The following CLVS2 variants were observed in gnomAD, a reference collection of about 807,000 sequenced individuals.
The protein encoded by CLVS2 is clavesin-2.
A neutral mutation model predicts 29.0 loss-of-function variants in CLVS2; 19 were observed. That is an observed-to-expected ratio of 0.66 (90% confidence interval 0.46 to 0.96). The LOEUF (loss-of-function observed/expected upper bound fraction) is 0.96. CLVS2 is among the 40% of genes least tolerant of loss of function. The pLI, the probability that CLVS2 is intolerant of heterozygous loss-of-function variation, is 0.00. For missense variants in CLVS2, 294 were observed against 404.1 expected, an observed-to-expected ratio of 0.73 and a Z score of 2.34; for synonymous variants, 161 against 151.3, an observed-to-expected ratio of 1.06 and a Z score of -0.47.
chr6:123,042,972 A>G (rs1775256055), intron 3 of CLVS2, among the ~76,000 whole-genome samples: 1 of 152,198 alleles, frequency 6.6e-6, no homozygotes, highest in Admixed American at 6.5e-5. Flanking sequence ...TAGCATGTTA[A>G]GGCAGACCAA....
chr6:123,058,639 CTTTATT>C (rs903923070), intron 5 of CLVS2, among the ~76,000 whole-genome samples: 22 of 152,036 alleles, frequency 1.4e-4, no homozygotes, highest in African/African-American at 4.3e-4. Flanking sequence ...CACATCTTGG[CTTTATT>C]TTTATTTTTA....
At chr6:123,049,807 G>GGC (rs201266693) in intron 4 of CLVS2, among the ~76,000 whole-genome samples, 7 of 143,398 alleles carry the variant, frequency 4.9e-5, no homozygotes, top group East Asian at 3.9e-4. Flanking sequence ...TGTGGGATGG[G>GGC]GGGCGGGGAG....
intron 3 of CLVS2, among the ~76,000 whole-genome samples, chr6:123,022,381 A>G (rs1444374904): frequency 6.6e-6 from 1 of 152,022 alleles, no homozygotes; most frequent in Non-Finnish European, 1.5e-5. Context: ...GTGCTTATTC[A>G]GTCTGCCATG....
In CLVS2 at chr6:123,022,405, T is replaced by C. The variant is rs546925678; in HGVS notation, c.564+11246T>C. Among the ~76,000 whole-genome samples the C allele has an allele frequency of 2.0e-5, 3 of 152,082 alleles. No homozygotes were observed. The East Asian group carries it at 5.8e-4, about 30-fold the overall frequency. Reference sequence around the variant, plus strand: ...CAGTCTGCCATGTTGACTTGGAAGCTCCTTAATGCCTTAAAGCCAGTGATT... The same window carrying C: ...CAGTCTGCCATGTTGACTTGGAAGCCCCTTAATGCCTTAAAGCCAGTGATT... On this transcript the variant is annotated intron_variant, in intron 3 of 5. Coordinates refer to ENST00000275162, the MANE Select transcript of CLVS2 (RefSeq NM_001010852.4).
At chr6:123,027,057 A>G (rs182699705) in intron 3 of CLVS2, among the ~76,000 whole-genome samples, 17 of 152,290 alleles carry the variant, frequency 1.1e-4, no homozygotes, top group African/African-American at 4.1e-4. Flanking sequence ...CATATATTGC[A>G]TTATGGGTAT....
chr6:123,016,905 T>G (rs1774843037), intron 3 of CLVS2, among the ~76,000 whole-genome samples: 1 of 152,046 alleles, frequency 6.6e-6, no homozygotes, highest in Non-Finnish European at 1.5e-5. Flanking sequence ...CTCTAAGCGT[T>G]TGGAAGCCCA....
chr6:123,026,577 T>G (rs549701499), intron 3 of CLVS2, among the ~76,000 whole-genome samples: 91 of 152,246 alleles, frequency 6.0e-4, no homozygotes, highest in African/African-American at 2.1e-3. Flanking sequence ...CAAAGGAAAT[T>G]TATAGCAAGA....
At position 123,025,800 on chromosome 6, in the gene CLVS2, G is replaced by A. The variant is rs148894675; in HGVS notation, c.564+14641G>A. Reference sequence around the variant, plus strand: ...CACCTCAACTCCAGAGCTTTCTGTGGAGTTTCCTCTGTTGTAACTGCATCA... The same window carrying A: ...CACCTCAACTCCAGAGCTTTCTGTGAAGTTTCCTCTGTTGTAACTGCATCA... On this transcript the variant is annotated intron_variant, in intron 3 of 5. Coordinates refer to ENST00000275162, the MANE Select transcript of CLVS2 (RefSeq NM_001010852.4). Among the ~76,000 whole-genome samples the A allele has an allele frequency of 3.8e-3, 571 of 152,180 alleles. 2 individuals carry two copies. The highest frequency in any genetic ancestry group is 5.9e-3 in the Non-Finnish European group (401 of 67,994).
At chr6:123,046,256 A>G (rs1156444956) in intron 3 of CLVS2, among the ~76,000 whole-genome samples, 1 of 152,214 alleles carries the variant, frequency 6.6e-6, no homozygotes, top group African/African-American at 2.4e-5. Context: ...TGTGTCCAAG[A>G]AAGCCCATGA....
chr6:123,061,294 C>A (rs1772774161), intron 5 of CLVS2, among the ~76,000 whole-genome samples: 1 of 151,064 alleles, frequency 6.6e-6, no homozygotes, highest in African/African-American at 2.5e-5. Flanking sequence ...GAGTCTTTGC[C>A]TCAAACAAAA....
At chr6:123,012,794 A>G (rs937382566) in intron 3 of CLVS2, among the ~76,000 whole-genome samples, 2 of 152,108 alleles carry the variant, frequency 1.3e-5, no homozygotes, top group Middle Eastern at 6.8e-3. Context: ...TCTGTTCCCC[A>G]AAAATATCTC....
At chr6:123,056,453 C>G (rs1404078962) in intron 5 of CLVS2, among the ~76,000 whole-genome samples, 1 of 152,096 alleles carries the variant, frequency 6.6e-6, no homozygotes, top group East Asian at 1.9e-4. Context: ...TTTTTAGATT[C>G]CACATATAAG....
At chr6:123,003,945 A>G (rs1425933635) in intron 2 of CLVS2, among the ~76,000 whole-genome samples, 1 of 152,164 alleles carries the variant, frequency 6.6e-6, no homozygotes, top group African/African-American at 2.4e-5. Context: ...CTGGTAAGTG[A>G]ATTAGTCGCT....
chr6:123,013,157 C>T (rs1201206221), intron 3 of CLVS2, among the ~76,000 whole-genome samples: 1 of 152,026 alleles, frequency 6.6e-6, no homozygotes, highest in Non-Finnish European at 1.5e-5. Context: ...CTTTTTAAAT[C>T]AAGTCACTGT....
At chr6:123,011,270 T>A in intron 3 of CLVS2, 111 bp downstream of exon 3, 1 of 765,790 alleles carries the variant, frequency 1.3e-6, no homozygotes, top group South Asian at 2.8e-5. Context: ...ACAAAAAAAA[T>A]CTGTAGTTTT....
rs80208179 is a variant in CLVS2, at chr6:123,022,203, C to T, written c.564+11044C>T. Among the ~76,000 whole-genome samples the T allele has an allele frequency of 4.9e-3, 738 of 152,116 alleles. 3 individuals are homozygous for T. The highest frequency in any genetic ancestry group is 0.017 in the African/African-American group (696 of 41,506). ...GAAAATTATTACCATCCCATCTTTA[C>T]GGAAGCAGAAGTTAGAGCCACATGT... is the stretch of plus-strand genomic sequence containing the variant. On this transcript the variant is annotated intron_variant, in intron 3 of 5. Coordinates refer to ENST00000275162, the MANE Select transcript of CLVS2 (RefSeq NM_001010852.4).
intron 3 of CLVS2, among the ~76,000 whole-genome samples, chr6:123,031,163 G>T (rs921116259): frequency 6.6e-6 from 1 of 151,978 alleles, no homozygotes; most frequent in South Asian, 2.1e-4. Flanking sequence ...TAAAGACAGG[G>T]TTTCGCCATG....
chr6:123,046,933 G>T (rs1772523665), intron 3 of CLVS2, among the ~76,000 whole-genome samples: 1 of 152,078 alleles, frequency 6.6e-6, no homozygotes, highest in Non-Finnish European at 1.5e-5. Flanking sequence ...GCAGGTGAAG[G>T]CTGGGAGGAA....
At position 123,048,758 on chromosome 6, in the gene CLVS2, C is replaced by A. The variant is rs201391842; in HGVS notation, c.675+26C>A. Reference sequence around the variant, plus strand: ...GTATTCTTTTCTTTGATTTTTAATCCTTTCTCTTCCGCCATCCAATGAATT... The same window carrying A: ...GTATTCTTTTCTTTGATTTTTAATCATTTCTCTTCCGCCATCCAATGAATT... On this transcript the variant is annotated intron_variant, in intron 4 of 5. Transcript: ENST00000275162. 1.8e-5 allele frequency: 25 copies of A among 1,418,550 alleles called. No homozygotes were observed. The African/African-American group carries it at 3.2e-4, about 18-fold the overall frequency. 87.9% of individuals were successfully genotyped at this position (1,418,550 alleles called of 1,614,324 possible). A position where few individuals can be genotyped will look rare whatever the true frequency, so the allele number is the denominator to read the frequency against.
Sources: gnomAD v4.1 joint callset for allele counts (sites outside exome capture counted in the v4.1 genomes callset) on GRCh38, gnomAD v4.1.1 for gene constraint, MANE v1.5 for transcripts, NCBI Gene and HGNC (gene_info 2026-07-23, HGNC 2026-07-21) for gene names.